The following RBM4 variants were observed in gnomAD, a reference collection of about 807,000 sequenced individuals.
The protein encoded by RBM4 is RNA binding motif protein 4, also known as RNA-binding protein 4.
RBM4 carries 7 observed loss-of-function variants against 29.5 expected under a neutral mutation model. The ratio of observed to expected loss-of-function variants is 0.24; its 90% CI spans 0.14 to 0.45. RBM4 has a LOEUF of 0.45. Ranked by LOEUF, RBM4 falls within the 20% of genes least tolerant of loss-of-function variation. RBM4 has a pLI of 1.00. For synonymous variants in RBM4, 220 were observed against 205.4 expected (o/e 1.07, Z -0.61); for missense variants, 387 against 502.3 (o/e 0.77, Z 2.19).
rs1209240247 is a variant in RBM4, at chr11:66,643,862, C to T, written c.825C>T (p.His275=). The part of the protein sequence containing the change: ...TSTSLDPYDR[H]LLPTSGAAAT... Reference sequence around the variant, plus strand: ...CCTCTCTCGATCCCTACGATAGACACCTGTTGCCGACCTCAGGAGCTGCTG... The same window carrying T: ...CCTCTCTCGATCCCTACGATAGACATCTGTTGCCGACCTCAGGAGCTGCTG... Residue 275 remains histidine (H), a synonymous_variant, in exon 3 of 4, where the codon CAC becomes CAT. Coordinates refer to ENST00000310092, the MANE Select transcript of RBM4 (RefSeq NM_002896.4). This position sits in a 1 kb window ranked among gnomAD's most constrained non-coding sequence, Gnocchi z 6.1. 6.8e-6 allele frequency: 11 copies of T among 1,613,946 alleles called. No homozygotes were observed. Among genetic ancestry groups the T allele is most frequent in the African/African-American group, 1.3e-5 (1 of 75,014 alleles).
exon 3 of RBM4, chr11:66,666,125 G>A: frequency 1.3e-6 from 1 of 783,686 alleles, no homozygotes; most frequent in South Asian, 2.1e-5. Context: ...CTGTCACAGA[G>A]TGAGAGCCAC....
intron 1 of RBM4, chr11:66,639,098 C>G (rs1381814485): frequency 6.6e-6 from 1 of 152,436 alleles, no homozygotes; most frequent in Non-Finnish European, 1.5e-5. Flanking sequence ...GAATCTGAAG[C>G]TCTTTTCCGC....
Position 66,646,207 on chromosome 11 carries a change from C to G in RBM4, c.*189C>G, listed in dbSNP as rs1938686126. The G allele has an allele frequency of 6.8e-7, 1 of 1,461,242 alleles. No homozygotes were observed. The allele number at this position is 1,461,242 out of a possible 1,614,324, so 90.5% of individuals were successfully genotyped here. A position where few individuals can be genotyped will look rare whatever the true frequency, so the allele number is the denominator to read the frequency against. On this transcript the variant is annotated 3_prime_UTR_variant, in exon 4 of 4. Transcript: ENST00000310092. ...CTTTCCTTTCCTTTCCTCTCCTGCC[C>G]ATTTTCCTGTTCTTCTGTCCTTCAA...
At chr11:66,667,046 C>T (rs370556897) in exon 3 of RBM4, 1 of 151,618 alleles carries the variant, frequency 6.6e-6, no homozygotes, top group Non-Finnish European at 1.5e-5. Flanking sequence ...ACTACAGGCA[C>T]AAGCCACTGT....
At chr11:66,665,783 A>T (rs1939208588) in intron 2 of RBM4, 1 of 1,369,378 alleles carries the variant, frequency 7.3e-7, no homozygotes, top group Non-Finnish European at 9.9e-7. Context: ...TTATGGCTAT[A>T]TATATAGGAC....
exon 3 of RBM4, chr11:66,666,212 T>C: frequency 1.2e-6 from 1 of 867,892 alleles, no homozygotes; most frequent in Non-Finnish European, 1.5e-6. Flanking sequence ...TCTCTAATCC[T>C]TCTATTGATG....
Position 66,643,911 on chromosome 11 carries a change from G to T in RBM4, c.874G>T (p.Ala292Ser). 1 of 1,610,600 alleles carries T rather than the reference G, an allele frequency of 6.2e-7. No homozygotes were observed. The highest frequency in any genetic ancestry group is 8.5e-7 in the Non-Finnish European group (1 of 1,179,006). Residue 292 changes from alanine to serine, a missense_variant, in exon 3 of 4, where the codon GCC becomes TCC. Transcript: ENST00000310092. This position sits in a 1 kb window ranked among gnomAD's most constrained non-coding sequence, Gnocchi z 6.1. ...TGCCACAGCTGCTGCTGCAGCAGCA[G>T]CCGCTGCTGCTGTTACTGCAGCTTC... ...AAATAAAAAA[A>S]AAAVTAASTS...
chr11:66,644,899 T>C (rs1449051017), intron 3 of RBM4, among the ~76,000 whole-genome samples: 1 of 151,650 alleles, frequency 6.6e-6, no homozygotes, highest in African/African-American at 2.4e-5. Flanking sequence ...GTCTGTCCTA[T>C]AACAGCCCAG....
downstream of RBM4, chr11:66,649,609 GT>G: frequency 1.7e-6 from 1 of 605,328 alleles, no homozygotes; most frequent in Non-Finnish European, 2.9e-6. Context: ...TTATGAAGTT[GT>G]TTTTATGCTT....
rs753650825 is a variant in RBM4 at position 66,640,107 on chromosome 11, T to C, written c.396T>C (p.Asp132=). The C allele has an allele frequency of 4.5e-5, 73 of 1,614,078 alleles. No homozygotes were observed. The highest frequency in any genetic ancestry group is 5.5e-5 in the Non-Finnish European group (65 of 1,180,046). ...EDAVEAIRGL[D]NTEFQGKRMH... ...CAGTGGAGGCCATCAGGGGCCTTGATAACACAGAGTTTCAAGGTGAACCAC... is the reference window on the plus strand; with the variant it reads ...CAGTGGAGGCCATCAGGGGCCTTGACAACACAGAGTTTCAAGGTGAACCAC... The change falls in exon 2 of 4, where the codon GAT becomes GAC. Residue 132 remains aspartate (D), a synonymous_variant. Transcript: ENST00000310092.
At chr11:66,639,578 G>C in intron 1 of RBM4, 122 bp from the exon 2 acceptor site, 1 of 1,186,996 alleles carries the variant, frequency 8.4e-7, no homozygotes. Flanking sequence ...ATTGTGTGGA[G>C]GTGTGTGTGC....
intron 2 of RBM4, among the ~76,000 whole-genome samples, chr11:66,661,923 G>A (rs1168629787): frequency 6.6e-6 from 1 of 152,124 alleles, no homozygotes. Flanking sequence ...CCAGCTACTG[G>A]GGAGGTTGAG....
chr11:66,639,666 G>A, intron 1 of RBM4, 34 bp from the exon 2 acceptor site: 1 of 1,601,454 alleles, frequency 6.2e-7, no homozygotes, highest in Admixed American at 1.7e-5. Flanking sequence ...TGGGCCTGAG[G>A]TCTTTTGTCA....
rs978819419 is a variant in RBM4, at chr11:66,640,290, G to A, written c.412+167G>A. 3.8e-5 allele frequency: 35 copies of A among 917,480 alleles called. No individual in the cohort carries two copies. The African/African-American group carries it at 5.7e-4, about 15-fold the overall frequency. The allele number at this position is 917,480 out of a possible 1,614,324, so 56.8% of individuals were successfully genotyped here. ...TATGATGTAGAATGCATGGGACTTA[G>A]GGGCTTTACCTTAGGCAAATGTCTC... is the stretch of plus-strand genomic sequence containing the variant. On this transcript the variant is annotated intron_variant, in intron 2 of 3. Coordinates refer to ENST00000310092, the MANE Select transcript of RBM4 (RefSeq NM_002896.4).
Position 66,646,064 on chromosome 11 carries a change from G to T in RBM4, c.*46G>T. ...TGGGCTGAAATTCCGAGCTGCGGTT[G>T]TGCATGAGAATACACCCTTCGTGGT... is the stretch of plus-strand genomic sequence containing the variant. On this transcript the variant is annotated 3_prime_UTR_variant, in exon 4 of 4. Coordinates refer to ENST00000310092, the MANE Select transcript of RBM4 (RefSeq NM_002896.4). 1 of 1,536,120 alleles carries T rather than the reference G, an allele frequency of 6.5e-7. No homozygotes were observed. Among genetic ancestry groups the T allele is most frequent in the Non-Finnish European group, 8.7e-7 (1 of 1,146,912 alleles).
At chr11:66,650,378 T>G (rs1212670311), downstream of RBM4, among the ~76,000 whole-genome samples, 1 of 152,018 alleles carries the variant, frequency 6.6e-6, no homozygotes, top group Non-Finnish European at 1.5e-5. Context: ...AAGACCAGCC[T>G]GTCAAACATG....
chr11:66,665,304 T>C (rs1939185583), intron 2 of RBM4: 1 of 479,010 alleles, frequency 2.1e-6, no homozygotes, highest in African/African-American at 2.0e-5. Flanking sequence ...TAAGAGGGGT[T>C]CCACTGCACA....
At position 66,639,570 on chromosome 11, in the gene RBM4, T is replaced by A. The variant is rs369637795; in HGVS notation, c.-12-130T>A. On this transcript the variant is annotated intron_variant, in intron 1 of 3. Transcript: ENST00000310092. ...TTCACTCCCACTTCCATTTGATTAT[T>A]GTGTGGAGGTGTGTGTGCAGGCGTG... is the stretch of plus-strand genomic sequence containing the variant. 5.1e-4 allele frequency: 569 copies of A among 1,124,588 alleles called. 6 individuals are homozygous for A. The South Asian group carries it at 8.3e-3, about 16-fold the overall frequency. The allele number at this position is 1,124,588 out of a possible 1,614,324, so 69.7% of individuals were successfully genotyped here.
At chr11:66,642,630 A>G (rs1938517346) in intron 2 of RBM4, among the ~76,000 whole-genome samples, 1 of 152,228 alleles carries the variant, frequency 6.6e-6, no homozygotes, top group South Asian at 2.1e-4. Context: ...TCCACTGACT[A>G]GTATAACTAG....
Sources: gnomAD v4.1 joint callset for allele counts (sites outside exome capture counted in the v4.1 genomes callset) on GRCh38, gnomAD v4.1.1 for gene constraint, Gnocchi (gnomAD v3.1) non-coding constraint, MANE v1.5 for transcripts, NCBI Gene and HGNC (gene_info 2026-07-23, HGNC 2026-07-21) for gene names.